Variants in CNTNAP2 observed in about 807,000 individuals in gnomAD.
CNTNAP2 encodes the protein contactin-associated protein-like 2.
CNTNAP2 carries 98 observed loss-of-function variants against 155.2 expected under a neutral mutation model. The ratio of observed to expected loss-of-function variants is 0.63; its 90% CI spans 0.54 to 0.75. The LOEUF (loss-of-function observed/expected upper bound fraction) is 0.75, where lower values mean the gene tolerates loss of function less well. CNTNAP2 is among the 30% of genes least tolerant of loss of function. CNTNAP2 has a pLI of 0.00. For synonymous variants in CNTNAP2, 651 were observed against 631.2 expected (o/e 1.03, Z -0.47); for missense variants, 1,727 against 1,688.1 (o/e 1.02, Z -0.40).
At chr7:147,543,038 A>G (rs916367574) in intron 11 of CNTNAP2, among the ~76,000 whole-genome samples, 5 of 152,226 alleles carry the variant, frequency 3.3e-5, no homozygotes, top group South Asian at 2.1e-4. Flanking sequence ...ACACAGAAAT[A>G]TAGAGGTGTG....
chr7:146,336,198 TA>T (rs549458592), intron 1 of CNTNAP2, among the ~76,000 whole-genome samples: 649 of 121,522 alleles, frequency 5.3e-3, no homozygotes, highest in Non-Finnish European at 5.6e-3. Context: ...AAACTCCGTC[TA>T]AAAAAAAAAA....
rs562815623 is a variant in CNTNAP2 at position 146,208,241 on chromosome 7, A to G, written c.97+91268A>G. Among the ~76,000 whole-genome samples the G allele has an allele frequency of 1.1e-4, 16 of 152,228 alleles. No individual in the cohort carries two copies. In the South Asian group the frequency reaches 3.1e-3, roughly 30 times the overall value. On this transcript the variant is annotated intron_variant, in intron 1 of 23. Transcript: ENST00000361727. ...AATTTATGAATAAAAACTGCTAGGC[A>G]TTAAAAGTTATTTCCTGAATTATCT... is the stretch of plus-strand genomic sequence containing the variant.
At position 147,114,520 on chromosome 7, in the gene CNTNAP2, A is replaced by T. The variant is rs769253400; in HGVS notation, c.754+6170A>T. ...TGTACTGGGTGCATATATATTTATG[A>T]TAGTTAACTCTTCTTGTTGAATTTA... On this transcript the variant is annotated intron_variant, in intron 5 of 23. Transcript: ENST00000361727. 6.0e-4 allele frequency among the ~76,000 whole-genome samples: 91 copies of T among 152,206 alleles called. 2 individuals are homozygous for T. Among genetic ancestry groups the T allele is most frequent in the Non-Finnish European group, 1.8e-4 (12 of 68,036 alleles).
At chr7:146,424,604 A>C (rs1796061262) in intron 1 of CNTNAP2, among the ~76,000 whole-genome samples, 1 of 151,756 alleles carries the variant, frequency 6.6e-6, no homozygotes. Flanking sequence ...TTTTACAAAC[A>C]GTTTAAGCAC....
In CNTNAP2 at chr7:147,915,072, A is replaced by C. The variant is rs531045697; in HGVS notation, c.2255+11351A>C. On this transcript the variant is annotated intron_variant, in intron 14 of 23. Coordinates refer to ENST00000361727, the MANE Select transcript of CNTNAP2 (RefSeq NM_014141.6). ...GTATTTAAAAATAGTTTAGAAATTA[A>C]AATAAAAAATAAGAATCCTAGCCAG... 1.9e-4 allele frequency among the ~76,000 whole-genome samples: 29 copies of C among 152,348 alleles called. No individual in the cohort carries two copies. In the South Asian group the frequency reaches 6.0e-3, roughly 32 times the overall value.
chr7:147,376,310 A>T (rs896495108), intron 9 of CNTNAP2, among the ~76,000 whole-genome samples: 1 of 151,914 alleles, frequency 6.6e-6, no homozygotes, highest in Non-Finnish European at 1.5e-5. Flanking sequence ...TAACTGTGTG[A>T]CAGGAGACTA....
chr7:146,208,210 T>C (rs920080534), intron 1 of CNTNAP2, among the ~76,000 whole-genome samples: 3 of 152,128 alleles, frequency 2.0e-5, no homozygotes, highest in Non-Finnish European at 4.4e-5. Flanking sequence ...ACAAAGCAAC[T>C]CTTTTAATTT....
chr7:147,520,413 A>G (rs1461684842), intron 11 of CNTNAP2, among the ~76,000 whole-genome samples: 1 of 152,130 alleles, frequency 6.6e-6, no homozygotes, highest in Non-Finnish European at 1.5e-5. Context: ...GTTTACTACC[A>G]TTGCCCTGTA....
chr7:146,616,545 C>G (rs994736743), intron 1 of CNTNAP2, among the ~76,000 whole-genome samples: 1 of 152,022 alleles, frequency 6.6e-6, no homozygotes, highest in Admixed American at 6.6e-5. Context: ...GTTGGTGTTT[C>G]TGAGATTTGG....
At chr7:147,535,460 A>G (rs1799522964) in intron 11 of CNTNAP2, among the ~76,000 whole-genome samples, 1 of 152,192 alleles carries the variant, frequency 6.6e-6, no homozygotes, top group Non-Finnish European at 1.5e-5. Context: ...TCAACTAGTT[A>G]AAAGGTGGAA....
At chr7:146,567,961 T>C in intron 1 of CNTNAP2, among the ~76,000 whole-genome samples, 1 of 152,294 alleles carries the variant, frequency 6.6e-6, no homozygotes, top group Admixed American at 6.5e-5. Flanking sequence ...ATTTTTTATA[T>C]ATTAAAGTGT....
At chr7:147,521,139 G>A (rs1799223546) in intron 11 of CNTNAP2, among the ~76,000 whole-genome samples, 1 of 152,124 alleles carries the variant, frequency 6.6e-6, no homozygotes, top group Non-Finnish European at 1.5e-5. Context: ...AATTTTCCAT[G>A]TCTCTCCTAT....
At position 146,842,557 on chromosome 7, in the gene CNTNAP2, T is replaced by C. The variant is rs76444968; in HGVS notation, c.402+2653T>C. On this transcript the variant is annotated intron_variant, in intron 3 of 23. Transcript: ENST00000361727. ...AAAAGAGTTTTGATTGACTCACGTT[T>C]CCACAGGCTGTATAGGAAGCATGGC... Among the ~76,000 whole-genome samples the C allele has an allele frequency of 6.2e-3, 951 of 152,200 alleles. 20 individuals are homozygous for C. The highest frequency in any genetic ancestry group is 0.022 in the African/African-American group (903 of 41,496).
chr7:147,199,835 G>GA (rs34551567), intron 8 of CNTNAP2, among the ~76,000 whole-genome samples: 12,910 of 149,712 alleles, frequency 0.086, 564 homozygotes, highest in Non-Finnish European at 0.11. Context: ...CTTTTCTTTT[G>GA]AAAAAAAAAA....
intron 18 of CNTNAP2, among the ~76,000 whole-genome samples, chr7:148,197,668 A>C (rs1795297995): frequency 6.6e-6 from 1 of 152,212 alleles, no homozygotes; most frequent in South Asian, 2.1e-4. Flanking sequence ...ACAAAGAAAA[A>C]TTAAATTGAA....
chr7:146,246,659 C>T lies in CNTNAP2; in HGVS notation c.97+129686C>T, dbSNP rs1280933938. 1.3e-5 allele frequency among the ~76,000 whole-genome samples: 2 copies of T among 151,476 alleles called. 1 individual carries two copies. The highest frequency in any genetic ancestry group is 1.3e-4 in the Admixed American group (2 of 15,268). The stretch of plus-strand genomic sequence containing the variant: ...ACAGCATCAGTCTTCAGCCGCTAAG[C>T]CAAGAAGATCTGGGAAGGAGTCAGA... On this transcript the variant is annotated intron_variant, in intron 1 of 23. Coordinates refer to ENST00000361727, the MANE Select transcript of CNTNAP2 (RefSeq NM_014141.6).
chr7:148,408,683 T>C (rs1229428659), intron 22 of CNTNAP2, among the ~76,000 whole-genome samples: 1 of 152,236 alleles, frequency 6.6e-6, no homozygotes, highest in African/African-American at 2.4e-5. Context: ...TTTCTGAAGT[T>C]GGATTAGGTC....
chr7:146,674,028 A>G (rs1800354089), intron 1 of CNTNAP2, among the ~76,000 whole-genome samples: 1 of 152,212 alleles, frequency 6.6e-6, no homozygotes, highest in Admixed American at 6.5e-5. Flanking sequence ...GAGGTGCTAA[A>G]TTTCATTCCC....
chr7:147,068,708 C>G (rs542709723), intron 4 of CNTNAP2, among the ~76,000 whole-genome samples: 1 of 152,338 alleles, frequency 6.6e-6, no homozygotes, highest in Non-Finnish European at 1.5e-5. Context: ...CTCCAATAGT[C>G]TAGCTGGTCC....
Sources: gnomAD v4.1 joint callset for allele counts (sites outside exome capture counted in the v4.1 genomes callset) on GRCh38, gnomAD v4.1.1 for gene constraint, MANE v1.5 for transcripts, NCBI Gene and HGNC (gene_info 2026-07-23, HGNC 2026-07-21) for gene names.